The following GREB1L variants were observed in gnomAD, a reference collection of about 807,000 sequenced individuals.
The protein encoded by GREB1L is GREB1 like retinoic acid receptor coactivator.
In GREB1L, 17 loss-of-function variants were observed where a neutral mutation model predicts 200.8. The observed-to-expected ratio is 0.08, with a 90% confidence interval of 0.06 to 0.13. The LOEUF is 0.13. GREB1L is among the 10% of genes least tolerant of loss of function. The pLI, the probability that GREB1L is intolerant of heterozygous loss-of-function variation, is 1.00. For synonymous variants in GREB1L, 789 were observed against 893.0 expected (o/e 0.88, Z 2.08); for missense variants, 1,657 against 2,367.7 (o/e 0.70, Z 6.23).
intron 5 of GREB1L, among the ~76,000 whole-genome samples, chr18:21,396,325 A>G (rs1261594719): frequency 6.6e-6 from 1 of 152,204 alleles, no homozygotes; most frequent in Non-Finnish European, 1.5e-5. Flanking sequence ...AATTACAGGC[A>G]TGAGCCACCA....
At chr18:21,368,609 G>A (rs1287002629) in intron 2 of GREB1L, among the ~76,000 whole-genome samples, 1 of 152,082 alleles carries the variant, frequency 6.6e-6, no homozygotes, top group Non-Finnish European at 1.5e-5. Flanking sequence ...TATTTGTTCA[G>A]CCCCTAATTC....
Position 21,477,346 on chromosome 18 carries a change from T to C in GREB1L, c.2546T>C (p.Leu849Pro). The C allele has an allele frequency of 3.2e-6, 5 of 1,548,364 alleles. No homozygotes were observed. The highest frequency in any genetic ancestry group is 4.4e-6 in the Non-Finnish European group (5 of 1,144,534). The change falls in exon 17 of 33, where the codon CTG (leucine) becomes CCG (proline). Residue 849 changes from leucine to proline, a missense_variant. This residue lies in a region of GREB1L where 239 missense variants were observed against 421.8 expected (regional missense o/e 0.57). Coordinates refer to ENST00000424526, the MANE Select transcript of GREB1L (RefSeq NM_001142966.3). ...AGCAATGAGGTTCACTGGATACAGC[T>C]GGATACTGGGGTGAGTCTCTTGCCT... Reference protein sequence around the residue: ...SSSNEVHWIQLDTGEDVGCEE... With the variant: ...SSSNEVHWIQPDTGEDVGCEE...
At position 21,523,093 on chromosome 18, in the gene GREB1L, G is replaced by A. The variant is rs1340428110; in HGVS notation, c.*272G>A. On this transcript the variant is annotated 3_prime_UTR_variant, in exon 33 of 33. Coordinates refer to ENST00000424526, the MANE Select transcript of GREB1L (RefSeq NM_001142966.3). The stretch of plus-strand genomic sequence containing the variant: ...ATACGGTCTGCCCATGGGATCCTGA[G>A]GAGGATATACTTTGGAGAGTGAATA... 6.6e-6 allele frequency: 2 copies of A among 303,824 alleles called. No individual in the cohort carries two copies. Among genetic ancestry groups the A allele is most frequent in the African/African-American group, 4.3e-5 (2 of 46,366 alleles). The allele number at this position is 303,824 out of a possible 1,614,324, so 18.8% of individuals were successfully genotyped here.
intron 1 of GREB1L, among the ~76,000 whole-genome samples, chr18:21,267,284 C>A (rs2037986737): frequency 6.7e-6 from 1 of 149,760 alleles, no homozygotes; most frequent in Non-Finnish European, 1.5e-5. Context: ...CGGGTTCAAG[C>A]GATTCTCCTG....
rs563239802 is a variant in GREB1L, at chr18:21,287,889, G to A, written c.-120+45496G>A. 2.0e-5 allele frequency among the ~76,000 whole-genome samples: 3 copies of A among 151,424 alleles called. No homozygotes were observed. The South Asian group carries it at 6.3e-4, about 32-fold the overall frequency. ...GGCTCACTGCAACCTCCGCCTCCCG[G>A]GTTCAAGTGATTCTCTTGCCTCAAC... is the stretch of plus-strand genomic sequence containing the variant. On this transcript the variant is annotated intron_variant, in intron 1 of 32. Coordinates refer to ENST00000424526, the MANE Select transcript of GREB1L (RefSeq NM_001142966.3).
intron 7 of GREB1L, among the ~76,000 whole-genome samples, chr18:21,415,161 G>C (rs1172625016): frequency 1.3e-5 from 2 of 152,148 alleles, no homozygotes; most frequent in Non-Finnish European, 2.9e-5. Flanking sequence ...TCCCTCAAAT[G>C]TTCAACATAG....
chr18:21,444,214 A>T lies in GREB1L; in HGVS notation c.1208-10A>T. 6.5e-7 allele frequency: 1 copy of T among 1,546,762 alleles called. No homozygotes were observed. The highest frequency in any genetic ancestry group is 8.8e-7 in the Non-Finnish European group (1 of 1,142,618). Reference sequence around the variant, plus strand: ...TGTTGAACTGTACTGACCTGCTTCTATTGGGACAGGCTATGGCACTTTACC... The same window carrying T: ...TGTTGAACTGTACTGACCTGCTTCTTTTGGGACAGGCTATGGCACTTTACC... On this transcript the variant is annotated splice_polypyrimidine_tract_variant and intron_variant, in intron 10 of 32. Transcript: ENST00000424526.
intron 1 of GREB1L, among the ~76,000 whole-genome samples, chr18:21,311,471 C>T (rs2038789015): frequency 6.6e-6 from 1 of 152,154 alleles, no homozygotes; most frequent in Admixed American, 6.6e-5. Context: ...GGGTGTTCCT[C>T]TTTGCAAATG....
chr18:21,478,398 A>G (rs1426355303), intron 17 of GREB1L, among the ~76,000 whole-genome samples: 1 of 152,248 alleles, frequency 6.6e-6, no homozygotes, highest in African/African-American at 2.4e-5. Flanking sequence ...GCCATTAAGC[A>G]ATGGATCCCT....
intron 1 of GREB1L, among the ~76,000 whole-genome samples, chr18:21,330,699 G>A (rs2039094536): frequency 6.6e-6 from 1 of 151,830 alleles, no homozygotes; most frequent in Non-Finnish European, 1.5e-5. Flanking sequence ...ACATACCTAA[G>A]TCTCTCTTTG....
rs374748868 is a variant in GREB1L, at chr18:21,478,746, G to A, written c.2556+1390G>A. 4.5e-4 allele frequency among the ~76,000 whole-genome samples: 68 copies of A among 152,268 alleles called. No homozygotes were observed. In the South Asian group the frequency reaches 8.3e-3, roughly 19 times the overall value. On this transcript the variant is annotated intron_variant, in intron 17 of 32. Transcript: ENST00000424526. ...CCATTCATTGGGCAGTTGAGGTAGG[G>A]GTGAGATAACAGAGCTGCCAGAGTT... is the stretch of plus-strand genomic sequence containing the variant.
intron 7 of GREB1L, among the ~76,000 whole-genome samples, chr18:21,419,144 G>A (rs1195025334): frequency 2.0e-5 from 3 of 152,148 alleles, no homozygotes; most frequent in Non-Finnish European, 2.9e-5. Flanking sequence ...ATACCATATA[G>A]CCTATGTGTA....
intron 11 of GREB1L, among the ~76,000 whole-genome samples, chr18:21,446,005 AGTTT>A (rs535446983): frequency 9.9e-5 from 15 of 152,056 alleles, no homozygotes; most frequent in East Asian, 1.9e-4. Context: ...ACTCTTTTTC[AGTTT>A]GTTTGTTTGT....
At chr18:21,441,081 G>C (rs760244079) in intron 9 of GREB1L, among the ~76,000 whole-genome samples, 2 of 152,124 alleles carry the variant, frequency 1.3e-5, no homozygotes, top group Admixed American at 6.6e-5. Context: ...GTAATGAACA[G>C]ATATATGCCT....
chr18:21,424,935 A>C (rs1222009755), intron 7 of GREB1L, among the ~76,000 whole-genome samples: 2 of 152,058 alleles, frequency 1.3e-5, no homozygotes, highest in Non-Finnish European at 2.9e-5. Flanking sequence ...AGCTTCTTTC[A>C]TTTGGCATAA....
intron 6 of GREB1L, among the ~76,000 whole-genome samples, chr18:21,402,190 G>A (rs1420910660): frequency 6.6e-6 from 1 of 152,086 alleles, no homozygotes; most frequent in Non-Finnish European, 1.5e-5. Context: ...TTATAGATAA[G>A]TGTTTATCCT....
At chr18:21,432,426 T>C (rs1266061283) in intron 7 of GREB1L, among the ~76,000 whole-genome samples, 1 of 152,156 alleles carries the variant, frequency 6.6e-6, no homozygotes, top group African/African-American at 2.4e-5. Flanking sequence ...TATTTTCTAT[T>C]ATCTTTATAT....
intron 7 of GREB1L, among the ~76,000 whole-genome samples, chr18:21,413,672 T>C (rs2031323850): frequency 6.6e-6 from 1 of 152,090 alleles, no homozygotes; most frequent in Non-Finnish European, 1.5e-5. Context: ...CTGAAGAGGC[T>C]CAATAAATAT....
chr18:21,470,362 A>G (rs1353917304), intron 15 of GREB1L, among the ~76,000 whole-genome samples: 1 of 152,150 alleles, frequency 6.6e-6, no homozygotes, highest in Non-Finnish European at 1.5e-5. Context: ...GGAAAATTTA[A>G]TTTTTATTTT....
Sources: allele counts gnomAD v4.1 joint callset (sites outside exome capture counted in the v4.1 genomes callset), GRCh38; gene constraint gnomAD v4.1.1; regional missense constraint gnomAD v4.1.1; transcripts MANE v1.5; gene names NCBI Gene and HGNC (gene_info 2026-07-23, HGNC 2026-07-21).